The following TGM3 variants were observed in gnomAD, a reference collection of about 807,000 sequenced individuals.
TGM3 encodes the protein protein-glutamine gamma-glutamyltransferase E.
TGM3 carries 52 observed loss-of-function variants against 73.8 expected under a neutral mutation model. The observed-to-expected ratio is 0.70, with a 90% CI of 0.56 to 0.89. The LOEUF (loss-of-function observed/expected upper bound fraction) is 0.89, where lower values mean the gene tolerates loss of function less well. Among genes scored for constraint, TGM3 ranks in the 40% least tolerant of loss-of-function variants. TGM3 has a pLI of 0.00. For missense variants in TGM3, 928 were observed against 909.9 expected, an observed-to-expected ratio of 1.02 and a Z score of -0.26; for synonymous variants, 372 against 354.9, an observed-to-expected ratio of 1.05 and a Z score of -0.54.
chr20:2,313,767 G>A (rs1008470003), intron 5 of TGM3, among the ~76,000 whole-genome samples: 3 of 152,148 alleles, frequency 2.0e-5, no homozygotes, highest in African/African-American at 4.8e-5. Context: ...GGTGGCTCAC[G>A]CCTCTCATCC....
chr20:2,317,103 G>T lies in TGM3; in HGVS notation c.705G>T (p.Gly235=), dbSNP rs1462651850. ...NSNDDNGVLA[G]NWSGTYTGGR... ...ATGATGACAATGGTGTGCTTGCTGG[G>T]AATTGGAGCGGCACTTACACCGGTG... Residue 235 remains glycine, a synonymous_variant, in exon 6 of 13, where the codon GGG becomes GGT. Transcript: ENST00000381458. 1 of 1,613,902 alleles carries T rather than the reference G, an allele frequency of 6.2e-7. No homozygotes were observed. The highest frequency in any genetic ancestry group is 8.5e-7 in the Non-Finnish European group (1 of 1,180,052).
At chr20:2,320,942 A>G (rs113466513) in intron 7 of TGM3, among the ~76,000 whole-genome samples, 2 of 152,212 alleles carry the variant, frequency 1.3e-5, no homozygotes, top group African/African-American at 4.8e-5. Context: ...CTGAGGTAGA[A>G]GGTGCCTAGA....
chr20:2,297,268 T>C (rs2084114497), intron 1 of TGM3, among the ~76,000 whole-genome samples: 1 of 152,174 alleles, frequency 6.6e-6, no homozygotes, highest in Non-Finnish European at 1.5e-5. Flanking sequence ...AGAGCTGAGC[T>C]CCTACATAAG....
intron 8 of TGM3, among the ~76,000 whole-genome samples, chr20:2,327,333 G>T (rs188016764): frequency 1.3e-5 from 2 of 151,736 alleles, no homozygotes; most frequent in Non-Finnish European, 2.9e-5. Flanking sequence ...AAAATTAGCC[G>T]GGCGTGGTGG....
At chr20:2,319,507 T>G (rs1051204777) in intron 7 of TGM3, among the ~76,000 whole-genome samples, 3 of 152,332 alleles carry the variant, frequency 2.0e-5, no homozygotes, top group African/African-American at 7.2e-5. Flanking sequence ...GCTTTTAAGC[T>G]AAATTTAGAA....
In TGM3 at chr20:2,335,291, C is replaced by A. The variant is rs1278788373; in HGVS notation, c.1800+18C>A. On this transcript the variant is annotated intron_variant, in intron 11 of 12. Transcript: ENST00000381458. ...CCCTGGAGGTAATGGGGCTCCCCAT[C>A]CTGTGGGAAGGGGTTCTGCCCCCAG... The A allele has an allele frequency of 6.2e-7, 1 of 1,613,296 alleles. No homozygotes were observed. Among genetic ancestry groups the A allele is most frequent in the East Asian group, 2.2e-5 (1 of 44,868 alleles).
intron 5 of TGM3, among the ~76,000 whole-genome samples, chr20:2,313,755 G>A (rs141331550): frequency 3.6e-3 from 544 of 152,322 alleles, no homozygotes; most frequent in South Asian, 8.7e-3. Context: ...CAGTCTGGGC[G>A]TGGTGGCTCA....
At chr20:2,330,175 C>T (rs796778685) in intron 9 of TGM3, among the ~76,000 whole-genome samples, 7 of 152,254 alleles carry the variant, frequency 4.6e-5, no homozygotes, top group African/African-American at 1.7e-4. Context: ...TCTGAGGGCC[C>T]CAGAGAGGAA....
chr20:2,312,064 AT>A (rs2084206340), intron 4 of TGM3, among the ~76,000 whole-genome samples: 1 of 152,196 alleles, frequency 6.6e-6, no homozygotes, highest in Admixed American at 6.5e-5. Context: ...AAGAGATTTT[AT>A]TTTTATAACT....
At chr20:2,310,528 C>T (rs1234085144) in intron 3 of TGM3, 111 bp downstream of exon 3, 17 of 1,510,546 alleles carry the variant, frequency 1.1e-5, no homozygotes, top group South Asian at 2.6e-5. Context: ...AGTCCATGGG[C>T]TGTGGAAAGG....
At chr20:2,298,192 T>G (rs2084121524) in intron 1 of TGM3, among the ~76,000 whole-genome samples, 1 of 152,150 alleles carries the variant, frequency 6.6e-6, no homozygotes, top group South Asian at 2.1e-4. Context: ...TTAAGGTTCT[T>G]GTTGCAATCA....
rs770943841 is a variant in TGM3, at chr20:2,328,418, TG to T, written c.1333+55del. The T allele has an allele frequency of 3.0e-4, 484 of 1,604,864 alleles. 2 individuals are homozygous for T. The highest frequency in any genetic ancestry group is 3.3e-4 in the Non-Finnish European group (389 of 1,174,452). On this transcript the variant is annotated intron_variant, in intron 9 of 12. Coordinates refer to ENST00000381458, the MANE Select transcript of TGM3 (RefSeq NM_003245.4). This position sits in a 1 kb window ranked among gnomAD's most constrained non-coding sequence, Gnocchi z 5.2. ...CGCGAGAGGTTCTATTGTGGGAGGATGGCTCTGAGGCTGGAGAGGAGAAAAG... is the reference window on the plus strand; with the variant it reads ...CGCGAGAGGTTCTATTGTGGGAGGATGCTCTGAGGCTGGAGAGGAGAAAAG...
chr20:2,332,624 TA>T lies in TGM3; in HGVS notation c.1642+321del, dbSNP rs906687960. ...TACCACCTCACACAGTTTGACCGTC[TA>T]AAAAAAGGCAGATTTTCAGTGTCCA... On this transcript the variant is annotated intron_variant, in intron 10 of 12. Transcript: ENST00000381458. The surrounding 1 kb of genome is among the most constrained non-coding windows in gnomAD (Gnocchi z 4.4). 1.3e-5 allele frequency among the ~76,000 whole-genome samples: 2 copies of T among 152,084 alleles called. No homozygotes were observed. The highest frequency in any genetic ancestry group is 1.3e-4 in the Admixed American group (2 of 15,270).
chr20:2,322,907 G>C (rs879727440), intron 7 of TGM3, among the ~76,000 whole-genome samples: 1 of 152,114 alleles, frequency 6.6e-6, no homozygotes, highest in Non-Finnish European at 1.5e-5. Flanking sequence ...ATAAAACTTA[G>C]TTTGTATGCA....
At chr20:2,319,258 C>T (rs570965717) in intron 7 of TGM3, among the ~76,000 whole-genome samples, 1 of 152,292 alleles carries the variant, frequency 6.6e-6, no homozygotes, top group South Asian at 2.1e-4. Flanking sequence ...CCTCGGCATA[C>T]CCTTTCTGTG....
At chr20:2,329,463 C>A (rs537892933) in intron 9 of TGM3, among the ~76,000 whole-genome samples, 1 of 152,236 alleles carries the variant, frequency 6.6e-6, no homozygotes, top group Non-Finnish European at 1.5e-5. Flanking sequence ...CAGGTCATTC[C>A]CAGGACTGAG....
intron 11 of TGM3, 54 bp downstream of exon 11, chr20:2,335,327 TC>T: frequency 6.2e-7 from 1 of 1,604,210 alleles, no homozygotes; most frequent in South Asian, 1.1e-5. Flanking sequence ...CCAGCCCAGC[TC>T]CCAGGAGCCC....
chr20:2,321,017 C>T lies in TGM3; in HGVS notation c.983+3532C>T, dbSNP rs1240099690. Among the ~76,000 whole-genome samples the T allele has an allele frequency of 2.0e-5, 3 of 152,192 alleles. No individual in the cohort carries two copies. The East Asian group carries it at 5.8e-4, about 29-fold the overall frequency. On this transcript the variant is annotated intron_variant, in intron 7 of 12. Coordinates refer to ENST00000381458, the MANE Select transcript of TGM3 (RefSeq NM_003245.4). ...CCTCCAGCTGTCAGCACCCACACCT[C>T]AGCCAAGCCCCTGGCTCCTCATGCA...
At chr20:2,299,657 C>T (rs906154604) in intron 1 of TGM3, among the ~76,000 whole-genome samples, 4 of 152,194 alleles carry the variant, frequency 2.6e-5, no homozygotes, top group African/African-American at 9.7e-5. Context: ...AGGACAGCGA[C>T]TCCTCCCCTG....
Sources: gnomAD v4.1 joint callset for allele counts (sites outside exome capture counted in the v4.1 genomes callset) on GRCh38, gnomAD v4.1.1 for gene constraint, Gnocchi (gnomAD v3.1) non-coding constraint, MANE v1.5 for transcripts, NCBI Gene and HGNC (gene_info 2026-07-23, HGNC 2026-07-21) for gene names.